Variants in CNTLN observed in about 807,000 individuals in gnomAD.
The protein encoded by CNTLN is centlein, centrosomal protein.
A neutral mutation model predicts 180.0 loss-of-function variants in CNTLN; 212 were observed. The ratio of observed to expected loss-of-function variants is 1.18; its 90% CI spans 1.05 to 1.32. The LOEUF is 1.32. Among genes scored for constraint, CNTLN ranks in the 40% most tolerant of loss-of-function variants. The pLI is 0.00. For missense variants in CNTLN, 2,095 were observed against 1,610.9 expected (o/e 1.30, Z -5.14); for synonymous variants, 722 against 563.1 (o/e 1.28, Z -3.99).
At chr9:17,493,573 A>T (rs1833286030) in intron 25 of CNTLN, among the ~76,000 whole-genome samples, 1 of 152,096 alleles carries the variant, frequency 6.6e-6, no homozygotes, top group South Asian at 2.1e-4. Context: ...ATCCTATGTC[A>T]CCTCATTCTG....
chr9:17,440,456 G>A (rs935152456), intron 18 of CNTLN, among the ~76,000 whole-genome samples: 6 of 151,106 alleles, frequency 4.0e-5, no homozygotes, highest in African/African-American at 1.5e-4. Flanking sequence ...GGGCGTAGTG[G>A]CAGGCGCCTG....
intron 15 of CNTLN, among the ~76,000 whole-genome samples, chr9:17,407,002 A>T (rs4961440): frequency 0.029 from 4,274 of 148,714 alleles, 236 homozygotes; most frequent in East Asian, 0.25. Flanking sequence ...AGTTTTGGCC[A>T]AACAAAAAAG....
intron 6 of CNTLN, among the ~76,000 whole-genome samples, chr9:17,292,035 T>G (rs1829448642): frequency 6.6e-6 from 1 of 152,222 alleles, no homozygotes; most frequent in Non-Finnish European, 1.5e-5. Context: ...CTGAAAAGTA[T>G]TTTATTTTTC....
rs1821359804 is a variant in CNTLN, at chr9:17,340,130, G to A, written c.1645-697G>A. Among the ~76,000 whole-genome samples the A allele has an allele frequency of 2.0e-5, 3 of 152,058 alleles. No homozygotes were observed. In the South Asian group the frequency reaches 6.2e-4, roughly 32 times the overall value. On this transcript the variant is annotated intron_variant, in intron 10 of 25. Transcript: ENST00000380647. ...TTTGAACTCCAGCCTGGGCCACAGAGGGAAGCCCTGTTTCCAGAAAAATAA... is the reference window on the plus strand; with the variant it reads ...TTTGAACTCCAGCCTGGGCCACAGAAGGAAGCCCTGTTTCCAGAAAAATAA...
rs1176814681 is a variant in CNTLN at position 17,359,725 on chromosome 9, C to CAAAAA, written c.1887-6871_1887-6867dup. Among the ~76,000 whole-genome samples, 46 of 21,324 alleles carry CAAAAA rather than the reference C, an allele frequency of 2.2e-3. 2 individuals are homozygous for CAAAAA. The highest frequency in any genetic ancestry group is 5.3e-3 in the African/African-American group (43 of 8,046). The allele number at this position is 21,324 out of a possible 152,430, so 14.0% of individuals were successfully genotyped here. On this transcript the variant is annotated intron_variant, in intron 12 of 25. Transcript: ENST00000380647. ...TGAAACTCCGTCTATACTAAAAATACAAAAAAAAAAAAAAAAAAAAAAAAA... is the reference window on the plus strand; with the variant it reads ...TGAAACTCCGTCTATACTAAAAATACAAAAAAAAAAAAAAAAAAAAAAAAAAAAAA...
At chr9:17,182,732 A>G (rs1196757073) in intron 2 of CNTLN, among the ~76,000 whole-genome samples, 1 of 152,224 alleles carries the variant, frequency 6.6e-6, no homozygotes, top group Non-Finnish European at 1.5e-5. Context: ...TATATACCAT[A>G]GCAGTCTTTA....
intron 8 of CNTLN, among the ~76,000 whole-genome samples, chr9:17,324,677 T>C (rs1019531338): frequency 3.9e-5 from 6 of 152,138 alleles, no homozygotes; most frequent in African/African-American, 1.4e-4. Flanking sequence ...TGGATATAAG[T>C]ATAATTGGGT....
rs1034214339 is a variant in CNTLN at position 17,358,599 on chromosome 9, A to G, written c.1887-8018A>G. On this transcript the variant is annotated intron_variant, in intron 12 of 25. Coordinates refer to ENST00000380647, the MANE Select transcript of CNTLN (RefSeq NM_017738.4). Reference sequence around the variant, plus strand: ...AAATATGGCATAATGTGAATATTTTAAAATCTAGTTGTTACATTAATGTTG... The same window carrying G: ...AAATATGGCATAATGTGAATATTTTGAAATCTAGTTGTTACATTAATGTTG... 1.4e-4 allele frequency among the ~76,000 whole-genome samples: 22 copies of G among 152,294 alleles called. No homozygotes were observed. In the Middle Eastern group the frequency reaches 0.01, roughly 71 times the overall value.
chr9:17,224,253 G>T (rs1824324403), intron 2 of CNTLN, among the ~76,000 whole-genome samples: 1 of 151,840 alleles, frequency 6.6e-6, no homozygotes, highest in Admixed American at 6.6e-5. Context: ...GCAGCAACTT[G>T]GTTTATTTTG....
chr9:17,328,126 A>G (rs1380995595), intron 8 of CNTLN, among the ~76,000 whole-genome samples: 1 of 152,140 alleles, frequency 6.6e-6, no homozygotes, highest in Non-Finnish European at 1.5e-5. Context: ...CTATTTCTAC[A>G]TATAATATAC....
chr9:17,183,412 T>C (rs1821240854), intron 2 of CNTLN, among the ~76,000 whole-genome samples: 1 of 151,984 alleles, frequency 6.6e-6, no homozygotes. Flanking sequence ...TGAGTAGGGT[T>C]GCAGTCTTAT....
intron 5 of CNTLN, among the ~76,000 whole-genome samples, chr9:17,239,181 T>A (rs1440392867): frequency 3.3e-5 from 5 of 152,128 alleles, no homozygotes; most frequent in Non-Finnish European, 7.4e-5. Context: ...TACAGGCGCG[T>A]GCCACCACAT....
intron 15 of CNTLN, 48 bp from the exon 16 acceptor site, chr9:17,409,245 T>G: frequency 6.4e-7 from 1 of 1,556,772 alleles, no homozygotes; most frequent in Non-Finnish European, 8.8e-7. Flanking sequence ...CAAGTACATG[T>G]AACAACTTTT....
At chr9:17,272,862 A>G (rs1001161104) in intron 5 of CNTLN, among the ~76,000 whole-genome samples, 1 of 151,958 alleles carries the variant, frequency 6.6e-6, no homozygotes, top group Admixed American at 6.6e-5. Flanking sequence ...AAGATAGAGT[A>G]AGTTTTTAAA....
chr9:17,154,051 T>C (rs1819087073), intron 2 of CNTLN, among the ~76,000 whole-genome samples: 1 of 152,170 alleles, frequency 6.6e-6, no homozygotes, highest in Non-Finnish European at 1.5e-5. Context: ...GTTAGCCATT[T>C]GACTGACTCT....
chr9:17,523,563 C>A, the CNTLN span, among the ~76,000 whole-genome samples: 1 of 152,034 alleles, frequency 6.6e-6, no homozygotes, highest in Non-Finnish European at 1.5e-5. Flanking sequence ...AGGTGCCTTA[C>A]CTAGTGAAAA....
At chr9:17,479,815 T>C (rs1194761103) in intron 23 of CNTLN, among the ~76,000 whole-genome samples, 1 of 151,944 alleles carries the variant, frequency 6.6e-6, no homozygotes, top group Non-Finnish European at 1.5e-5. Flanking sequence ...ATATAAATAA[T>C]AGAGCTGAAA....
chr9:17,413,920 G>A (rs1344453381), intron 16 of CNTLN, among the ~76,000 whole-genome samples: 1 of 152,108 alleles, frequency 6.6e-6, no homozygotes, highest in East Asian at 1.9e-4. Flanking sequence ...AATGATCATA[G>A]AACCTTTGTT....
At chr9:17,403,458 A>C (rs1367623955) in intron 15 of CNTLN, among the ~76,000 whole-genome samples, 1 of 151,674 alleles carries the variant, frequency 6.6e-6, no homozygotes, top group Non-Finnish European at 1.5e-5. Flanking sequence ...AATCCCAAAA[A>C]AAAGCTTCAT....
Sources: gnomAD v4.1 joint callset for allele counts (sites outside exome capture counted in the v4.1 genomes callset) on GRCh38, gnomAD v4.1.1 for gene constraint, MANE v1.5 for transcripts, NCBI Gene and HGNC (gene_info 2026-07-23, HGNC 2026-07-21) for gene names.